PTPRN2: variants seen among roughly 807,000 people sequenced by gnomAD.
PTPRN2 encodes receptor-type tyrosine-protein phosphatase N2.
Under a neutral mutation model 118.8 loss-of-function variants are expected in PTPRN2, and 74 were observed. The ratio of observed to expected loss-of-function variants is 0.62; its 90% CI spans 0.52 to 0.76. The LOEUF (loss-of-function observed/expected upper bound fraction) is 0.76. Among genes scored for constraint, PTPRN2 ranks in the 30% least tolerant of loss-of-function variants. The pLI is 0.00. For missense variants in PTPRN2, 1,481 were observed against 1,394.4 expected, an observed-to-expected ratio of 1.06 and a Z score of -0.99; for synonymous variants, 641 against 608.0, an observed-to-expected ratio of 1.05 and a Z score of -0.80.
Position 158,332,004 on chromosome 7 carries a change from G to C in PTPRN2, c.164-15072C>G, listed in dbSNP as rs1443896975. Reference sequence around the variant, plus strand: ...ACTCACATCCACACTCTCTCCATAAGAGCTGACAACCGCAAACGTCACTGA... The same window carrying C: ...ACTCACATCCACACTCTCTCCATAACAGCTGACAACCGCAAACGTCACTGA... On this transcript the variant is annotated intron_variant, in intron 2 of 22. Transcript: ENST00000389418. Among the ~76,000 whole-genome samples, 22 of 151,266 alleles carry C rather than the reference G, an allele frequency of 1.5e-4. 1 individual carries two copies. Among genetic ancestry groups the C allele is most frequent in the Admixed American group, 5.2e-4 (8 of 15,252 alleles).
chr7:157,819,996 C>G (rs917680960), intron 12 of PTPRN2, among the ~76,000 whole-genome samples: 3 of 151,062 alleles, frequency 2.0e-5, no homozygotes, highest in Non-Finnish European at 4.4e-5. Context: ...CACCCACACA[C>G]ACAGAGGCAC....
chr7:158,204,328 G>C (rs892944191), intron 4 of PTPRN2, among the ~76,000 whole-genome samples: 2 of 152,242 alleles, frequency 1.3e-5, no homozygotes, highest in African/African-American at 4.8e-5. Flanking sequence ...GCGGCGTGCT[G>C]GGGGACGGTT....
At chr7:157,791,053 CA>C (rs949418735) in intron 12 of PTPRN2, among the ~76,000 whole-genome samples, 1 of 151,640 alleles carries the variant, frequency 6.6e-6, no homozygotes, top group East Asian at 1.9e-4. Flanking sequence ...ACTTTATGAG[CA>C]AAAAAAATCC....
intron 1 of PTPRN2, among the ~76,000 whole-genome samples, chr7:158,584,474 A>C (rs1021286581): frequency 6.6e-6 from 1 of 152,256 alleles, no homozygotes; most frequent in Non-Finnish European, 1.5e-5. Flanking sequence ...ACAGCCCTGC[A>C]TAACACAGCA....
At chr7:158,162,667 C>T (rs1002088847) in intron 6 of PTPRN2, among the ~76,000 whole-genome samples, 4 of 152,216 alleles carry the variant, frequency 2.6e-5, no homozygotes, top group South Asian at 2.1e-4. Flanking sequence ...TTGTCCTCCC[C>T]GTCACCCCAC....
chr7:157,703,289 G>C (rs1460077869), intron 12 of PTPRN2, among the ~76,000 whole-genome samples: 1 of 152,182 alleles, frequency 6.6e-6, no homozygotes, highest in Non-Finnish European at 1.5e-5. Context: ...ACCGACTTTC[G>C]AGCTCCGAGG....
chr7:158,326,102 C>T (rs1803498547), intron 2 of PTPRN2, among the ~76,000 whole-genome samples: 1 of 152,206 alleles, frequency 6.6e-6, no homozygotes, highest in Non-Finnish European at 1.5e-5. Flanking sequence ...GCCATACCCG[C>T]CGCAGGTCTT....
chr7:158,234,388 C>T (rs1829381421), intron 3 of PTPRN2, among the ~76,000 whole-genome samples: 1 of 151,170 alleles, frequency 6.6e-6, no homozygotes, highest in African/African-American at 2.4e-5. Context: ...ATACAAATGG[C>T]AAACAGATAT....
chr7:158,248,884 T>C (rs1322536307), intron 3 of PTPRN2, among the ~76,000 whole-genome samples: 1 of 12,264 alleles, frequency 8.2e-5, no homozygotes, highest in Non-Finnish European at 1.6e-4. Context: ...TATGCACGCA[T>C]CACACGCAGC....
At chr7:157,851,899 C>T (rs996459287) in intron 12 of PTPRN2, among the ~76,000 whole-genome samples, 12 of 152,252 alleles carry the variant, frequency 7.9e-5, no homozygotes, top group Admixed American at 1.3e-4. Context: ...CAGCCTCTTC[C>T]GGGCCCAGCT....
rs1447686847 is a variant in PTPRN2, at chr7:157,779,452, A to G, written c.1789-96515T>C. 6.6e-6 allele frequency among the ~76,000 whole-genome samples: 1 copy of G among 152,088 alleles called. No homozygotes were observed. The highest frequency in any genetic ancestry group is 1.5e-5 in the Non-Finnish European group (1 of 68,006). On this transcript the variant is annotated intron_variant, in intron 12 of 22. Coordinates refer to ENST00000389418, the MANE Select transcript of PTPRN2 (RefSeq NM_002847.5). The surrounding 1 kb of genome is among the most constrained non-coding windows in gnomAD (Gnocchi z 4.7). ...GACCGCCCACCCGCTGCCCCTCACC[A>G]CACACTGCTGCACTGTGCTCCACAT...
intron 5 of PTPRN2, among the ~76,000 whole-genome samples, chr7:158,178,235 T>C (rs1339768588): frequency 6.6e-6 from 1 of 152,220 alleles, no homozygotes; most frequent in Non-Finnish European, 1.5e-5. Flanking sequence ...GGGGTACGCA[T>C]GGTTTGGGTC....
chr7:158,246,260 G>GC (rs1472687349), intron 3 of PTPRN2, among the ~76,000 whole-genome samples: 1 of 151,866 alleles, frequency 6.6e-6, no homozygotes, highest in African/African-American at 2.4e-5. Flanking sequence ...CTCATCACTT[G>GC]AAGGAAGAGG....
In PTPRN2 at chr7:158,360,027, C is replaced by T. The variant is rs1301497852; in HGVS notation, c.164-43095G>A. 1.3e-5 allele frequency among the ~76,000 whole-genome samples: 2 copies of T among 151,610 alleles called. 1 individual carries two copies. Among genetic ancestry groups the T allele is most frequent in the African/African-American group, 4.9e-5 (2 of 41,196 alleles). ...GCTGCATCCTTCCTCACCCAGACAACCCACAGATCCCAAGTCCACCCACAC... is the reference window on the plus strand; with the variant it reads ...GCTGCATCCTTCCTCACCCAGACAATCCACAGATCCCAAGTCCACCCACAC... On this transcript the variant is annotated intron_variant, in intron 2 of 22. Transcript: ENST00000389418.
At chr7:158,280,019 A>G (rs1388067505) in intron 3 of PTPRN2, among the ~76,000 whole-genome samples, 1 of 112,230 alleles carries the variant, frequency 8.9e-6, no homozygotes, top group African/African-American at 3.4e-5. Flanking sequence ...CCCCGAACCC[A>G]CAGAGCCCCG....
chr7:157,634,441 C>T (rs896474016), intron 14 of PTPRN2, among the ~76,000 whole-genome samples: 1 of 152,158 alleles, frequency 6.6e-6, no homozygotes, highest in African/African-American at 2.4e-5. Context: ...ATTAACTGCC[C>T]ATAGCTAAAC....
Position 158,205,215 on chromosome 7 carries a change from G to A in PTPRN2, c.336C>T (p.Leu112=), listed in dbSNP as rs751005577. ...CAGGACGCCTCAGGTAGGTTTTCGG[G>A]AGGTCTGCAAGTTCCTGGTCCATCA... ...QYVMDQELAD[L]PKTYLRRPEA... The change falls in exon 4 of 23, where the codon CTC becomes CTT. Residue 112 remains leucine (L), a synonymous_variant. Coordinates refer to ENST00000389418, the MANE Select transcript of PTPRN2 (RefSeq NM_002847.5). The A allele has an allele frequency of 2.5e-6, 4 of 1,614,158 alleles. No individual in the cohort carries two copies. The highest frequency in any genetic ancestry group is 3.4e-6 in the Non-Finnish European group (4 of 1,180,030).
intron 5 of PTPRN2, among the ~76,000 whole-genome samples, chr7:158,170,282 C>T (rs1325628507): frequency 6.6e-6 from 1 of 152,176 alleles, no homozygotes; most frequent in African/African-American, 2.4e-5. Context: ...AACACCTGGT[C>T]AGCCACCGTG....
chr7:157,579,460 C>T (rs1800230771), intron 17 of PTPRN2, among the ~76,000 whole-genome samples: 1 of 152,196 alleles, frequency 6.6e-6, no homozygotes, highest in Non-Finnish European at 1.5e-5. Context: ...AATGTGCCTT[C>T]AGAAGGTGGA....
Sources: allele counts gnomAD v4.1 joint callset (sites outside exome capture counted in the v4.1 genomes callset), GRCh38; gene constraint gnomAD v4.1.1; non-coding constraint Gnocchi (gnomAD v3.1); transcripts MANE v1.5; gene names NCBI Gene and HGNC (gene_info 2026-07-23, HGNC 2026-07-21).